Variants in SPSB1 observed in about 807,000 individuals in gnomAD.
SPSB1 encodes the protein splA/ryanodine receptor domain and SOCS box containing 1.
SPSB1 carries 8 observed loss-of-function variants against 21.2 expected under a neutral mutation model. The ratio of observed to expected loss-of-function variants is 0.38; its 90% CI spans 0.22 to 0.68. The LOEUF (loss-of-function observed/expected upper bound fraction) is 0.68, where lower values mean the gene tolerates loss of function less well. Among genes scored for constraint, SPSB1 ranks in the 30% least tolerant of loss-of-function variants. The pLI, the probability that SPSB1 is intolerant of heterozygous loss-of-function variation, is 0.53. For missense variants in SPSB1, 242 were observed against 377.8 expected (o/e 0.64, Z 2.98); for synonymous variants, 169 against 161.7 (o/e 1.05, Z -0.34).
At chr1:9,359,480 G>A (rs1332836757) in intron 2 of SPSB1, among the ~76,000 whole-genome samples, 6 of 152,096 alleles carry the variant, frequency 3.9e-5, no homozygotes, top group Non-Finnish European at 8.8e-5. Flanking sequence ...GAGGCAGGTG[G>A]ATCATGAGGT....
In SPSB1 at chr1:9,346,246, A is replaced by G. The variant is rs1433547095; in HGVS notation, c.-149-9497A>G. 2.0e-5 allele frequency among the ~76,000 whole-genome samples: 3 copies of G among 152,222 alleles called. No homozygotes were observed. The highest frequency in any genetic ancestry group is 1.9e-4 in the East Asian group (1 of 5,202). On this transcript the variant is annotated intron_variant, in intron 1 of 2. Transcript: ENST00000328089. This position sits in a 1 kb window ranked among gnomAD's most constrained non-coding sequence, Gnocchi z 4.4. ...TCTTCAGGTGAAAGGAGGCTTTATA[A>G]ATAGGTCACCTTGTTCCACATCCTG...
At chr1:9,313,386 G>A (rs1421455869) in intron 1 of SPSB1, among the ~76,000 whole-genome samples, 1 of 152,018 alleles carries the variant, frequency 6.6e-6, no homozygotes, top group East Asian at 1.9e-4. Context: ...GGCAACAAGA[G>A]CGAAACACCG....
Position 9,356,894 on chromosome 1 carries a change from T to C in SPSB1, c.694+309T>C, listed in dbSNP as rs937499955. 1.3e-5 allele frequency among the ~76,000 whole-genome samples: 2 copies of C among 151,804 alleles called. No homozygotes were observed. The highest frequency in any genetic ancestry group is 4.8e-5 in the African/African-American group (2 of 41,298). On this transcript the variant is annotated intron_variant, in intron 2 of 2. Coordinates refer to ENST00000328089, the MANE Select transcript of SPSB1 (RefSeq NM_025106.4). The surrounding 1 kb of genome is among the most constrained non-coding windows in gnomAD (Gnocchi z 7.4). Reference sequence around the variant, plus strand: ...AATAGATGGATAGATGAGTGAATAATGGATGGATGCGTGTATAATGAATTG... The same window carrying C: ...AATAGATGGATAGATGAGTGAATAACGGATGGATGCGTGTATAATGAATTG...
chr1:9,342,173 G>A (rs1004833847), intron 1 of SPSB1, among the ~76,000 whole-genome samples: 2 of 152,200 alleles, frequency 1.3e-5, no homozygotes, highest in Admixed American at 1.3e-4. Context: ...GTTCTCGGCC[G>A]ACTTCCCATG....
intron 1 of SPSB1, among the ~76,000 whole-genome samples, chr1:9,314,770 G>C (rs374705322): frequency 6.6e-5 from 10 of 152,312 alleles, no homozygotes; most frequent in African/African-American, 2.4e-4. Context: ...AGTGGCTGAG[G>C]TTGTACCCCT....
intron 1 of SPSB1, among the ~76,000 whole-genome samples, chr1:9,352,246 C>T (rs1268348957): frequency 6.6e-6 from 1 of 152,186 alleles, no homozygotes; most frequent in Non-Finnish European, 1.5e-5. Context: ...CAGTGGATGT[C>T]CCACGTCAAG....
At chr1:9,352,596 C>T (rs1200782392) in intron 1 of SPSB1, among the ~76,000 whole-genome samples, 1 of 152,118 alleles carries the variant, frequency 6.6e-6, no homozygotes, top group Admixed American at 6.5e-5. Flanking sequence ...CTGAGACAGG[C>T]GTTCTGTGTG....
rs1446520104 is a variant in SPSB1 at position 9,305,782 on chromosome 1, C to G, written c.-150+12711C>G. On this transcript the variant is annotated intron_variant, in intron 1 of 2. Coordinates refer to ENST00000328089, the MANE Select transcript of SPSB1 (RefSeq NM_025106.4). The surrounding 1 kb of genome is among the most constrained non-coding windows in gnomAD (Gnocchi z 4.8). ...GCACCTACTGTATGCAGCCAGTCTG[C>G]TGGGGCCGAGGATACAAAGAATGAG... Among the ~76,000 whole-genome samples, 1 of 152,200 alleles carries G rather than the reference C, an allele frequency of 6.6e-6. No homozygotes were observed. The highest frequency in any genetic ancestry group is 2.4e-5 in the African/African-American group (1 of 41,448).
intron 2 of SPSB1, among the ~76,000 whole-genome samples, chr1:9,361,255 G>A (rs1034262245): frequency 3.4e-5 from 5 of 145,996 alleles, no homozygotes; most frequent in African/African-American, 7.7e-5. Flanking sequence ...CTCCTGCCTC[G>A]GTCTTCCAAA....
rs1639147649 is a variant in SPSB1 at position 9,293,120 on chromosome 1, G to A, written c.-150+49G>A. 9 of 978,218 alleles carry A rather than the reference G, an allele frequency of 9.2e-6. No homozygotes were observed. The highest frequency in any genetic ancestry group is 1.1e-5 in the Non-Finnish European group (9 of 824,906). 60.6% of individuals were successfully genotyped at this position (978,218 alleles called of 1,614,324 possible). A position where few individuals can be genotyped will look rare whatever the true frequency, so the allele number is the denominator to read the frequency against. On this transcript the variant is annotated intron_variant, in intron 1 of 2. Transcript: ENST00000328089. This position sits in a 1 kb window ranked among gnomAD's most constrained non-coding sequence, Gnocchi z 5.1. Reference sequence around the variant, plus strand: ...ACCCCGATGGGTGGGCGACCGGCCCGGGAGGGGGAGGCGCGGGGGGCCGGG... The same window carrying A: ...ACCCCGATGGGTGGGCGACCGGCCCAGGAGGGGGAGGCGCGGGGGGCCGGG...
intron 1 of SPSB1, among the ~76,000 whole-genome samples, chr1:9,314,484 G>A (rs1332157863): frequency 6.6e-6 from 1 of 152,174 alleles, no homozygotes; most frequent in Non-Finnish European, 1.5e-5. Flanking sequence ...AGAGGGCTGA[G>A]ATCTACACAA....
chr1:9,337,512 G>A (rs1234081646), intron 1 of SPSB1, among the ~76,000 whole-genome samples: 1 of 152,088 alleles, frequency 6.6e-6, no homozygotes, highest in East Asian at 1.9e-4. Flanking sequence ...GGAGAACAGG[G>A]TGAGGCTGGG....
In SPSB1 at chr1:9,329,991, G is replaced by A. The variant is rs373118886; in HGVS notation, c.-149-25752G>A. ...GCGGGTTCAGAGTGGCCCAGGAGCAGGTGACTGCACATTTTTGCAAAGAGC... is the reference window on the plus strand; with the variant it reads ...GCGGGTTCAGAGTGGCCCAGGAGCAAGTGACTGCACATTTTTGCAAAGAGC... On this transcript the variant is annotated intron_variant, in intron 1 of 2. Transcript: ENST00000328089. 3.9e-5 allele frequency among the ~76,000 whole-genome samples: 6 copies of A among 152,308 alleles called. No homozygotes were observed. In the East Asian group the frequency reaches 7.7e-4, roughly 20 times the overall value.
At chr1:9,304,987 C>T (rs1187307234) in intron 1 of SPSB1, among the ~76,000 whole-genome samples, 2 of 152,258 alleles carry the variant, frequency 1.3e-5, no homozygotes, top group East Asian at 3.9e-4. Flanking sequence ...GTTGCCCCAT[C>T]CTGGCTTAGA....
chr1:9,296,487 C>T (rs1351226248), intron 1 of SPSB1, among the ~76,000 whole-genome samples: 1 of 152,198 alleles, frequency 6.6e-6, no homozygotes, highest in Non-Finnish European at 1.5e-5. Context: ...AAGTTAGAGG[C>T]AGAGTATAAT....
intron 1 of SPSB1, among the ~76,000 whole-genome samples, chr1:9,301,602 G>A (rs560124899): frequency 2.0e-5 from 3 of 152,306 alleles, no homozygotes; most frequent in East Asian, 3.9e-4. Flanking sequence ...GAGGTATGTG[G>A]GTAGGATGAC....
intron 1 of SPSB1, among the ~76,000 whole-genome samples, chr1:9,338,830 T>G (rs1640044891): frequency 6.6e-6 from 1 of 152,146 alleles, no homozygotes; most frequent in Non-Finnish European, 1.5e-5. Context: ...CGCCTTGCTC[T>G]GCTGTGCTTT....
intron 1 of SPSB1, among the ~76,000 whole-genome samples, chr1:9,352,029 A>G (rs1421252186): frequency 1.3e-5 from 2 of 151,734 alleles, no homozygotes; most frequent in East Asian, 3.9e-4. Context: ...CCTCCCTCCC[A>G]CAGACTCCCA....
At position 9,367,652 on chromosome 1, in the gene SPSB1, C is replaced by A; in HGVS notation, c.*77C>A. The A allele has an allele frequency of 1.3e-6, 2 of 1,501,130 alleles. No homozygotes were observed. The highest frequency in any genetic ancestry group is 1.8e-6 in the Non-Finnish European group (2 of 1,122,038). The allele number at this position is 1,501,130 out of a possible 1,614,324, so 93.0% of individuals were successfully genotyped here. ...GCCGCCTGCCGCTGGGGCCGCCGCA[C>A]CCTGCACCTTGGACCGGCATCCGTA... On this transcript the variant is annotated 3_prime_UTR_variant, in exon 3 of 3. Transcript: ENST00000328089. The surrounding 1 kb of genome is among the most constrained non-coding windows in gnomAD (Gnocchi z 5.9).
Sources: gnomAD v4.1 joint callset for allele counts (sites outside exome capture counted in the v4.1 genomes callset) on GRCh38, gnomAD v4.1.1 for gene constraint, Gnocchi (gnomAD v3.1) non-coding constraint, MANE v1.5 for transcripts, NCBI Gene and HGNC (gene_info 2026-07-23, HGNC 2026-07-21) for gene names.